The following EYS variants were observed in gnomAD, a reference collection of about 807,000 sequenced individuals.
EYS encodes the protein protein eyes shut homolog.
In EYS, 250 loss-of-function variants were observed where a neutral mutation model predicts 282.1. That is an observed-to-expected ratio of 0.89 (90% CI 0.80 to 0.98). The LOEUF (loss-of-function observed/expected upper bound fraction) is 0.98, where lower values mean the gene tolerates loss of function less well. EYS is among the 50% of genes least tolerant of loss of function. The pLI, the probability that EYS is intolerant of heterozygous loss-of-function variation, is 0.00. For missense variants in EYS, 4,016 were observed against 3,709.0 expected (o/e 1.08, Z -2.15); for synonymous variants, 1,355 against 1,282.9 (o/e 1.06, Z -1.20).
At chr6:64,044,458 G>A (rs2149839315) in intron 33 of EYS, among the ~76,000 whole-genome samples, 1 of 152,344 alleles carries the variant, frequency 6.6e-6, no homozygotes, top group South Asian at 2.1e-4. Flanking sequence ...GAGCCGGGGA[G>A]CACTTCAGGT....
chr6:65,615,863 G>A (rs1008519034), intron 2 of EYS, among the ~76,000 whole-genome samples: 15 of 152,024 alleles, frequency 9.9e-5, no homozygotes, highest in Admixed American at 7.2e-4. Flanking sequence ...GAGGCCAGGA[G>A]GCGGAGCATG....
At chr6:65,106,641 C>G (rs187183287) in intron 12 of EYS, among the ~76,000 whole-genome samples, 2 of 152,022 alleles carry the variant, frequency 1.3e-5, no homozygotes, top group Non-Finnish European at 2.9e-5. Flanking sequence ...CCTTATATAA[C>G]TCTGGTAACA....
chr6:65,186,878 T>C (rs932000001), intron 12 of EYS, among the ~76,000 whole-genome samples: 4 of 151,742 alleles, frequency 2.6e-5, no homozygotes, highest in African/African-American at 4.8e-5. Context: ...ATTTCTTCCA[T>C]AAATAAACAG....
At chr6:65,529,110 T>C (rs1010353477) in intron 2 of EYS, among the ~76,000 whole-genome samples, 7 of 152,114 alleles carry the variant, frequency 4.6e-5, no homozygotes, top group Non-Finnish European at 8.8e-5. Context: ...GATTAGGCTT[T>C]AGATTTCCTC....
At chr6:64,900,661 C>T (rs959307700) in intron 18 of EYS, among the ~76,000 whole-genome samples, 1 of 152,056 alleles carries the variant, frequency 6.6e-6, no homozygotes, top group African/African-American at 2.4e-5. Flanking sequence ...TAGAGAAATA[C>T]AAATCAAAAC....
intron 31 of EYS, among the ~76,000 whole-genome samples, chr6:64,216,302 A>G (rs1226658066): frequency 6.6e-6 from 1 of 152,226 alleles, no homozygotes; most frequent in Non-Finnish European, 1.5e-5. Context: ...TAGAAATAAA[A>G]AATTAAGAAG....
At chr6:65,064,430 A>G (rs1773679551) in intron 12 of EYS, among the ~76,000 whole-genome samples, 1 of 145,820 alleles carries the variant, frequency 6.9e-6, no homozygotes, top group Non-Finnish European at 1.5e-5. Flanking sequence ...CATATACCAT[A>G]TATCATATAT....
At chr6:64,363,158 C>A (rs777546327) in intron 29 of EYS, among the ~76,000 whole-genome samples, 4 of 151,722 alleles carry the variant, frequency 2.6e-5, no homozygotes, top group African/African-American at 7.3e-5. Flanking sequence ...TATAATCCTG[C>A]AATATTCTCA....
intron 28 of EYS, among the ~76,000 whole-genome samples, chr6:64,421,925 T>C (rs1582733021): frequency 6.9e-6 from 1 of 144,666 alleles, no homozygotes; most frequent in African/African-American, 2.6e-5. Flanking sequence ...CAAACAGGGA[T>C]TGTGATTTTT....
At chr6:64,036,442 GT>G (rs1464498170) in intron 33 of EYS, among the ~76,000 whole-genome samples, 4 of 152,298 alleles carry the variant, frequency 2.6e-5, no homozygotes, top group African/African-American at 9.6e-5. Flanking sequence ...CCAGACATTA[GT>G]GACATTAATC....
chr6:64,858,414 G>C (rs143960461), intron 19 of EYS, among the ~76,000 whole-genome samples: 2 of 152,022 alleles, frequency 1.3e-5, no homozygotes, highest in African/African-American at 4.8e-5. Context: ...ATAAATATGT[G>C]GGCTTTTTTT....
At chr6:64,570,122 G>A (rs138166535) in intron 26 of EYS, among the ~76,000 whole-genome samples, 1 of 152,232 alleles carries the variant, frequency 6.6e-6, no homozygotes, top group Non-Finnish European at 1.5e-5. Context: ...AGCCAGAAGA[G>A]AGTGGGGGCC....
chr6:64,271,713 G>T (rs955631189), intron 30 of EYS, among the ~76,000 whole-genome samples: 1 of 151,612 alleles, frequency 6.6e-6, no homozygotes, highest in Non-Finnish European at 1.5e-5. Flanking sequence ...TATTTTGTGG[G>T]TTTTTTTTGC....
At chr6:64,650,950 T>C (rs1351209643) in intron 22 of EYS, among the ~76,000 whole-genome samples, 1 of 152,080 alleles carries the variant, frequency 6.6e-6, no homozygotes, top group East Asian at 1.9e-4. Flanking sequence ...CGTTTATTGT[T>C]TGACTAATAG....
intron 31 of EYS, among the ~76,000 whole-genome samples, chr6:64,118,323 T>C (rs913980859): frequency 6.6e-6 from 1 of 152,012 alleles, no homozygotes; most frequent in African/African-American, 2.4e-5. Flanking sequence ...CAACATGGCA[T>C]TGACATAAAA....
intron 13 of EYS, among the ~76,000 whole-genome samples, chr6:65,024,025 T>G (rs1772325275): frequency 6.6e-6 from 1 of 152,162 alleles, no homozygotes; most frequent in Non-Finnish European, 1.5e-5. Context: ...GCCATAGCCC[T>G]CTTCTTTAAA....
chr6:64,423,895 G>T (rs1156605673), intron 28 of EYS, among the ~76,000 whole-genome samples: 1 of 152,108 alleles, frequency 6.6e-6, no homozygotes, highest in African/African-American at 2.4e-5. Context: ...TACTTAAGTT[G>T]CTTGTATATA....
intron 34 of EYS, among the ~76,000 whole-genome samples, chr6:63,991,270 C>T (rs922087012): frequency 6.6e-6 from 1 of 151,598 alleles, no homozygotes; most frequent in African/African-American, 2.4e-5. Flanking sequence ...TCCAAAAAGA[C>T]TGGAAGAAGT....
chr6:65,526,618 A>G (rs1166296317), intron 2 of EYS, among the ~76,000 whole-genome samples: 1 of 152,144 alleles, frequency 6.6e-6, no homozygotes, highest in Admixed American at 6.5e-5. Context: ...ATCTTGGCTA[A>G]CACGGTGAAA....
Sources: gnomAD v4.1 joint callset for allele counts (sites outside exome capture counted in the v4.1 genomes callset) on GRCh38, gnomAD v4.1.1 for gene constraint, MANE v1.5 for transcripts, NCBI Gene and HGNC (gene_info 2026-07-23, HGNC 2026-07-21) for gene names.